CALU: variants seen among roughly 807,000 people sequenced by gnomAD.
CALU encodes IEF SSP 9302.
In CALU, 13 loss-of-function variants were observed where a neutral mutation model predicts 37.5. The observed-to-expected ratio is 0.35, with a 90% CI of 0.23 to 0.55. The LOEUF (loss-of-function observed/expected upper bound fraction) is 0.55, where lower values mean the gene tolerates loss of function less well. Ranked by LOEUF, CALU falls within the 20% of genes least tolerant of loss-of-function variation. The pLI is 0.89. For synonymous variants in CALU, 114 were observed against 133.8 expected (o/e 0.85, Z 1.02); for missense variants, 282 against 391.7 (o/e 0.72, Z 2.36).
In CALU at chr7:128,772,638, T is replaced by C. The variant is rs143205154; in HGVS notation, c.*3471T>C. ...TCTGTCATGGCCTTCCCACACACCA[T>C]CTTCATGATGCAAGCTTGGAACTGG... On this transcript the variant is annotated 3_prime_UTR_variant, in exon 7 of 7. Coordinates refer to ENST00000249364, the MANE Select transcript of CALU (RefSeq NM_001219.5). 6.2e-7 allele frequency: 1 copy of C among 1,614,094 alleles called. No homozygotes were observed. Among genetic ancestry groups the C allele is most frequent in the Non-Finnish European group, 8.5e-7 (1 of 1,179,996 alleles).
chr7:128,771,391 T>A lies in CALU; in HGVS notation c.*2224T>A, dbSNP rs1801557639. 1 of 152,644 alleles carries A rather than the reference T, an allele frequency of 6.6e-6. No homozygotes were observed. The highest frequency in any genetic ancestry group is 6.5e-5 in the Admixed American group (1 of 15,284). 9.5% of individuals were successfully genotyped at this position (152,644 alleles called of 1,614,324 possible). On this transcript the variant is annotated 3_prime_UTR_variant, in exon 7 of 7. Coordinates refer to ENST00000249364, the MANE Select transcript of CALU (RefSeq NM_001219.5). ...CTCTCTTGAATTTGGATATTGGTTA[T>A]TTTTTATAGAGTGTAAACCAAGTTT...
intron 5 of CALU, among the ~76,000 whole-genome samples, chr7:128,766,361 A>G (rs567446212): frequency 1.3e-5 from 2 of 152,058 alleles, no homozygotes; most frequent in Non-Finnish European, 2.9e-5. Flanking sequence ...TTGACATGCA[A>G]ACGAATTTAT....
At chr7:128,747,173 A>G (rs1800479858) in intron 1 of CALU, among the ~76,000 whole-genome samples, 1 of 152,192 alleles carries the variant, frequency 6.6e-6, no homozygotes, top group Non-Finnish European at 1.5e-5. Flanking sequence ...GTGAACTGTC[A>G]TCATTGAACA....
chr7:128,748,898 A>G (rs953040345), intron 2 of CALU, 94 bp downstream of exon 2: 7 of 767,288 alleles, frequency 9.1e-6, no homozygotes, highest in Non-Finnish European at 1.5e-5. Context: ...GAGTAAAGTT[A>G]TATTGAACTA....
chr7:128,762,941 A>G (rs1457698827), intron 5 of CALU, among the ~76,000 whole-genome samples: 2 of 152,140 alleles, frequency 1.3e-5, no homozygotes, highest in Admixed American at 1.3e-4. Flanking sequence ...TGCTGGGATT[A>G]CAAGTGTGAG....
intron 4 of CALU, 133 bp from the exon 5 acceptor site, chr7:128,759,659 A>G (rs777536781): frequency 1.5e-5 from 9 of 616,148 alleles, no homozygotes; most frequent in Non-Finnish European, 2.7e-5. Context: ...ACATGCATAC[A>G]TACATACATA....
In CALU at chr7:128,773,194, G is replaced by A. The variant is rs959037998; in HGVS notation, c.*4027G>A. Reference sequence around the variant, plus strand: ...TGATTTCTGTGCTTCACACATGCTCGTGCAGGCTAAAAGTTGGAAGGGAAA... The same window carrying A: ...TGATTTCTGTGCTTCACACATGCTCATGCAGGCTAAAAGTTGGAAGGGAAA... On this transcript the variant is annotated 3_prime_UTR_variant, in exon 7 of 7. Coordinates refer to ENST00000249364, the MANE Select transcript of CALU (RefSeq NM_001219.5). 6.6e-5 allele frequency among the ~76,000 whole-genome samples: 10 copies of A among 152,208 alleles called. No individual in the cohort carries two copies. Among genetic ancestry groups the A allele is most frequent in the Non-Finnish European group, 1.0e-4 (7 of 68,038 alleles).
intron 3 of CALU, among the ~76,000 whole-genome samples, chr7:128,757,527 T>C (rs1800935965): frequency 6.6e-6 from 1 of 152,122 alleles, no homozygotes; most frequent in Non-Finnish European, 1.5e-5. Flanking sequence ...TAAACTGTGC[T>C]TAAAGTATGG....
intron 1 of CALU, among the ~76,000 whole-genome samples, chr7:128,740,735 C>G (rs1298943734): frequency 6.6e-6 from 1 of 152,028 alleles, no homozygotes; most frequent in East Asian, 1.9e-4. Context: ...TTGAGTATGC[C>G]TGAGTGAATA....
intron 3 of CALU, among the ~76,000 whole-genome samples, chr7:128,757,710 C>T (rs1378624483): frequency 6.6e-6 from 1 of 152,044 alleles, no homozygotes; most frequent in Non-Finnish European, 1.5e-5. Flanking sequence ...ATCTTCATGT[C>T]TGTTATCTTA....
intron 1 of CALU, chr7:128,747,988 G>C: frequency 5.4e-6 from 1 of 186,762 alleles, no homozygotes; most frequent in South Asian, 1.4e-4. Context: ...GAGCCTGGAT[G>C]TTGGAGACTT....
intron 3 of CALU, among the ~76,000 whole-genome samples, chr7:128,758,086 CCTT>C (rs1562877901): frequency 6.6e-6 from 1 of 151,956 alleles, no homozygotes; most frequent in Admixed American, 6.6e-5. Context: ...CCTTGGTAAT[CCTT>C]CTCATTCTCG....
In CALU at chr7:128,764,885, A is replaced by G. The variant is rs1801268867; in HGVS notation, c.644-2571A>G. ...AAAAAAATAAATGAATAAACTGTTA[A>G]CCAACTTGGACATTTTACACGCATC... On this transcript the variant is annotated intron_variant, in intron 5 of 6. Coordinates refer to ENST00000249364, the MANE Select transcript of CALU (RefSeq NM_001219.5). Among the ~76,000 whole-genome samples the G allele has an allele frequency of 2.0e-5, 3 of 152,154 alleles. 1 individual carries two copies. The South Asian group carries it at 6.2e-4, about 32-fold the overall frequency.
At chr7:128,740,407 A>C (rs1236534959) in intron 1 of CALU, among the ~76,000 whole-genome samples, 1 of 152,234 alleles carries the variant, frequency 6.6e-6, no homozygotes, top group African/African-American at 2.4e-5. Context: ...CTAGTAGCTT[A>C]TTCAGCTTGG....
At chr7:128,746,677 C>T (rs937158814) in intron 1 of CALU, among the ~76,000 whole-genome samples, 7 of 152,060 alleles carry the variant, frequency 4.6e-5, no homozygotes, top group African/African-American at 1.2e-4. Flanking sequence ...GTCTTAAACT[C>T]CCGGATGCAA....
intron 1 of CALU, among the ~76,000 whole-genome samples, chr7:128,745,682 T>C (rs1423359828): frequency 6.6e-6 from 1 of 152,202 alleles, no homozygotes; most frequent in East Asian, 1.9e-4. Context: ...TAATGTTGTA[T>C]TTATAGAGCC....
At chr7:128,748,192 G>C in intron 1 of CALU, 2 of 552,576 alleles carry the variant, frequency 3.6e-6, no homozygotes, top group Non-Finnish European at 3.1e-6. Context: ...CCACCAATGC[G>C]TACAAGAAGT....
intron 5 of CALU, among the ~76,000 whole-genome samples, chr7:128,764,750 G>A (rs1009852560): frequency 2.0e-5 from 3 of 150,472 alleles, no homozygotes; most frequent in Admixed American, 1.3e-4. Flanking sequence ...TAGTTATGGC[G>A]TTTGGTTAGC....
intron 5 of CALU, among the ~76,000 whole-genome samples, chr7:128,762,769 C>T (rs1255436528): frequency 1.3e-5 from 2 of 152,074 alleles, no homozygotes; most frequent in South Asian, 2.1e-4. Flanking sequence ...CAGGTTCAGG[C>T]GATTCTTGTG....
Sources: gnomAD v4.1 joint callset for allele counts (sites outside exome capture counted in the v4.1 genomes callset) on GRCh38, gnomAD v4.1.1 for gene constraint, MANE v1.5 for transcripts, NCBI Gene and HGNC (gene_info 2026-07-23, HGNC 2026-07-21) for gene names.